FREM1: variants seen among roughly 807,000 people sequenced by gnomAD.
FREM1 encodes the protein FRAS1 related extracellular matrix 1, also known as FRAS1-related extracellular matrix protein 1.
Under a neutral mutation model 210.1 loss-of-function variants are expected in FREM1, and 220 were observed. The ratio of observed to expected loss-of-function variants is 1.05; its 90% CI spans 0.94 to 1.17. The LOEUF is 1.17. Ranked by LOEUF, FREM1 falls within the 50% of genes most tolerant of loss-of-function variation. The pLI is 0.00. For missense variants in FREM1, 3,454 were observed against 2,675.5 expected (o/e 1.29, Z -6.42); for synonymous variants, 1,189 against 980.2 (o/e 1.21, Z -3.98).
At chr9:14,748,754 ACCAGATGTTG>A (rs1842874517) in intron 30 of FREM1, 115 bp from the exon 31 acceptor site, 1 of 690,950 alleles carries the variant, frequency 1.4e-6, no homozygotes. Context: ...TGGTTTTCCC[ACCAGATGTTG>A]CCTTTTTGCC....
intron 10 of FREM1, among the ~76,000 whole-genome samples, chr9:14,834,875 A>G (rs1270139569): frequency 7.0e-6 from 1 of 142,404 alleles, no homozygotes; most frequent in Non-Finnish European, 1.5e-5. Flanking sequence ...GAAGATAAAT[A>G]AAGTTCTTTG....
In FREM1 at chr9:14,808,007, G is replaced by C. The variant is rs749195292; in HGVS notation, c.3021C>G (p.Ser1007=). Residue 1007 remains serine (S), a synonymous_variant, in exon 17 of 37, where the codon TCC becomes TCG. Transcript: ENST00000380880. ...TGATGTTGAGATCATACACTGGAAA[G>C]GACGCATGAAGTGGAACAGATGGAT... ...GPNPSVPLHA[S]FPVYDLNITV... is the part of the protein sequence containing the mutation. 8.1e-6 allele frequency: 13 copies of C among 1,613,726 alleles called. No homozygotes were observed. The highest frequency in any genetic ancestry group is 1.1e-5 in the Non-Finnish European group (13 of 1,179,744).
intron 23 of FREM1, among the ~76,000 whole-genome samples, chr9:14,787,689 G>C (rs1285603138): frequency 2.0e-5 from 3 of 152,166 alleles, no homozygotes; most frequent in Non-Finnish European, 4.4e-5. Flanking sequence ...TGACTATGTG[G>C]AACAGAGCTC....
Position 14,860,148 on chromosome 9 carries a change from T to C in FREM1, c.330-664A>G, listed in dbSNP as rs143959634. On this transcript the variant is annotated intron_variant, in intron 3 of 36. Transcript: ENST00000380880. Reference sequence around the variant, plus strand: ...TGCTCTTATTATGGCCCAGGCATTATGCTAAATTCTCTATGATAGTATATA... The same window carrying C: ...TGCTCTTATTATGGCCCAGGCATTACGCTAAATTCTCTATGATAGTATATA... 3.2e-3 allele frequency among the ~76,000 whole-genome samples: 487 copies of C among 152,296 alleles called. 4 individuals carry two copies. Among genetic ancestry groups the C allele is most frequent in the African/African-American group, 0.011 (443 of 41,560 alleles).
chr9:14,779,792 A>C (rs1280123097), intron 24 of FREM1, among the ~76,000 whole-genome samples: 1 of 152,214 alleles, frequency 6.6e-6, no homozygotes, highest in African/African-American at 2.4e-5. Context: ...CAGCGCTCCT[A>C]TCTGGGACAC....
Position 14,863,813 on chromosome 9 carries a change from A to C in FREM1, c.325T>G (p.Tyr109Asp). The C allele has an allele frequency of 6.2e-7, 1 of 1,604,300 alleles. No individual in the cohort carries two copies. Among genetic ancestry groups the C allele is most frequent in the Non-Finnish European group, 8.5e-7 (1 of 1,171,180 alleles). The change falls in exon 3 of 37, where the codon TAC (tyrosine) becomes GAC (aspartate). Residue 109 changes from tyrosine to aspartate, a missense_variant. Physicochemically the swap from Tyr to Asp is radical, Grantham distance 160 (BLOSUM62 -3). Transcript: ENST00000380880. ...LDEDTVKLRLYRFTERDTFIE... is the reference protein window; with the variant it reads ...LDEDTVKLRLDRFTERDTFIE... ...CGATGTTCCCGTGCCGCTTACCTGT[A>C]AAGTCTGAGCTTCACTGTGTCTTCA... is the stretch of plus-strand genomic sequence containing the variant.
Position 14,897,415 on chromosome 9 carries a change from G to A in FREM1, c.-268+12499C>T, listed in dbSNP as rs529270715. The stretch of plus-strand genomic sequence containing the variant: ...TAGGGTGATCAAGATGAGGAAACGG[G>A]GGCCCAAAGAGGCTAAGTGATTTGT... On this transcript the variant is annotated intron_variant, in intron 1 of 36. Coordinates refer to ENST00000380880, the MANE Select transcript of FREM1 (RefSeq NM_001379081.2). Among the ~76,000 whole-genome samples, 104 of 152,188 alleles carry A rather than the reference G, an allele frequency of 6.8e-4. 1 individual carries two copies. Among genetic ancestry groups the A allele is most frequent in the Non-Finnish European group, 1.1e-3 (78 of 68,014 alleles).
At chr9:14,791,332 A>G (rs1587997739) in intron 22 of FREM1, among the ~76,000 whole-genome samples, 1 of 152,146 alleles carries the variant, frequency 6.6e-6, no homozygotes, top group African/African-American at 2.4e-5. Context: ...CAGGTGACCT[A>G]CCCCTAGAAT....
intron 1 of FREM1, among the ~76,000 whole-genome samples, chr9:14,897,871 G>C (rs192879501): frequency 2.1e-4 from 32 of 152,308 alleles, no homozygotes; most frequent in Non-Finnish European, 1.5e-5. Flanking sequence ...TGGGATTATA[G>C]GCATGAGCCA....
chr9:14,740,270 G>T, intron 35 of FREM1, 36 bp from the exon 36 acceptor site: 1 of 1,439,760 alleles, frequency 6.9e-7, no homozygotes, highest in Non-Finnish European at 9.8e-7. Context: ...TCAGCAACAA[G>T]CAGTTAACAT....
intron 28 of FREM1, among the ~76,000 whole-genome samples, chr9:14,757,229 A>G (rs934865038): frequency 2.0e-5 from 3 of 152,226 alleles, no homozygotes; most frequent in African/African-American, 7.2e-5. Flanking sequence ...ATGGCCTTGA[A>G]TTCCACCCAA....
At chr9:14,742,550 G>C (rs1563809171) in intron 35 of FREM1, among the ~76,000 whole-genome samples, 1 of 152,096 alleles carries the variant, frequency 6.6e-6, no homozygotes, top group African/African-American at 2.4e-5. Flanking sequence ...AATCTGGTTA[G>C]GGACAAAGGA....
Position 14,819,421 on chromosome 9 carries a change from C to T in FREM1, c.2359G>A (p.Val787Met), listed in dbSNP as rs1411075628. Reference sequence around the variant, plus strand: ...ATGATGCTTTGACCTCCCTCAGTCACTTTCAGAGGGTTGGTGAACGCCTAG... The same window carrying T: ...ATGATGCTTTGACCTCCCTCAGTCATTTTCAGAGGGTTGGTGAACGCCTAG... ...VPEAFTNPLK[V>M]TEGGQSIIST... The change falls in exon 14 of 37, where the codon GTG becomes ATG. Residue 787 changes from valine (V) to methionine (M), a missense_variant. Physicochemically the swap from Val to Met is conservative, Grantham distance 21. Transcript: ENST00000380880. 1.9e-6 allele frequency: 3 copies of T among 1,611,454 alleles called. No homozygotes were observed. The highest frequency in any genetic ancestry group is 2.5e-6 in the Non-Finnish European group (3 of 1,178,062).
intron 24 of FREM1, 50 bp downstream of exon 24, chr9:14,784,320 T>A (rs1554660286): frequency 6.4e-7 from 1 of 1,555,740 alleles, no homozygotes. Context: ...TCTCCTTTTC[T>A]GTAAGTATTA....
Position 14,842,416 on chromosome 9 carries a change from T to C in FREM1, c.1638A>G (p.Arg546=), listed in dbSNP as rs570991550. The change falls in exon 9 of 37, where the codon CGA becomes CGG. Residue 546 remains arginine, a synonymous_variant. Coordinates refer to ENST00000380880, the MANE Select transcript of FREM1 (RefSeq NM_001379081.2). ...QTILIQGSML[R]ASDVDASDDY... is the part of the protein sequence containing the mutation. Reference sequence around the variant, plus strand: ...CATCACTGGCGTCCACATCTGAAGCTCGCAGCATGGATCCCTGGATCAGGA... The same window carrying C: ...CATCACTGGCGTCCACATCTGAAGCCCGCAGCATGGATCCCTGGATCAGGA... 2 of 1,614,004 alleles carry C rather than the reference T, an allele frequency of 1.2e-6. No individual in the cohort carries two copies. Among genetic ancestry groups the C allele is most frequent in the African/African-American group, 1.3e-5 (1 of 75,060 alleles).
At chr9:14,863,990 A>T (rs569365372) in intron 2 of FREM1, 87 bp from the exon 3 acceptor site, 1 of 795,342 alleles carries the variant, frequency 1.3e-6, no homozygotes, top group African/African-American at 1.7e-5. Flanking sequence ...GCCTGGAGAA[A>T]ATATGCTCTG....
At position 14,814,830 on chromosome 9, in the gene FREM1, C is replaced by A. The variant is rs10156657; in HGVS notation, c.2641-1766G>T. 3.9e-4 allele frequency among the ~76,000 whole-genome samples: 59 copies of A among 152,208 alleles called. No individual in the cohort carries two copies. The East Asian group carries it at 0.011, about 28-fold the overall frequency. Reference sequence around the variant, plus strand: ...ACACTTGTCAAAAAATTGGCTGTGCCTCTGTTTGGCTTTTAAAGACCATCC... The same window carrying A: ...ACACTTGTCAAAAAATTGGCTGTGCATCTGTTTGGCTTTTAAAGACCATCC... On this transcript the variant is annotated intron_variant, in intron 15 of 36. Coordinates refer to ENST00000380880, the MANE Select transcript of FREM1 (RefSeq NM_001379081.2).
chr9:14,778,716 AAGGGAAGGG>A (rs1849122830), intron 24 of FREM1, among the ~76,000 whole-genome samples: 1 of 75,308 alleles, frequency 1.3e-5, no homozygotes, highest in Non-Finnish European at 2.7e-5. Flanking sequence ...AAGGGAAGGG[AAGGGAAGGG>A]AAGGGAAGGG....
chr9:14,895,463 CAAG>C lies in FREM1; in HGVS notation c.-268+14448_-268+14450del, dbSNP rs564938728. Among the ~76,000 whole-genome samples, 148 of 152,212 alleles carry C rather than the reference CAAG, an allele frequency of 9.7e-4. 2 individuals are homozygous for C. The South Asian group carries it at 0.018, about 19-fold the overall frequency. On this transcript the variant is annotated intron_variant, in intron 1 of 36. Transcript: ENST00000380880. ...ATCTTTGGCTGCTGCTCAGAAGAAA[CAAG>C]AAGGATGGGTAATGTAAAAATCTGG...
Sources: allele counts gnomAD v4.1 joint callset (sites outside exome capture counted in the v4.1 genomes callset), GRCh38; gene constraint gnomAD v4.1.1; transcripts MANE v1.5; gene names NCBI Gene and HGNC (gene_info 2026-07-23, HGNC 2026-07-21).